Variants in CBL observed in about 807,000 individuals in gnomAD.
CBL encodes the protein E3 ubiquitin-protein ligase CBL.
In CBL, 45 loss-of-function variants were observed where a neutral mutation model predicts 96.9. The observed-to-expected ratio is 0.46, with a 90% confidence interval of 0.37 to 0.60. The LOEUF (loss-of-function observed/expected upper bound fraction) is 0.60. Ranked by LOEUF, CBL falls within the 20% of genes least tolerant of loss-of-function variation. The pLI, the probability that CBL is intolerant of heterozygous loss-of-function variation, is 0.00. For missense variants in CBL, 1,024 were observed against 1,143.5 expected, an observed-to-expected ratio of 0.90 and a Z score of 1.51; for synonymous variants, 420 against 426.8, an observed-to-expected ratio of 0.98 and a Z score of 0.20.
intron 1 of CBL, among the ~76,000 whole-genome samples, chr11:119,207,660 G>C (rs1487704196): frequency 6.6e-6 from 1 of 152,158 alleles, no homozygotes. Flanking sequence ...GCAGTCGGAC[G>C]CTTTGTCAGA....
chr11:119,275,220 C>CACG (rs1949879463), intron 5 of CBL, among the ~76,000 whole-genome samples: 1 of 150,778 alleles, frequency 6.6e-6, no homozygotes, highest in African/African-American at 2.4e-5. Context: ...GCGGGCAGAT[C>CACG]ACGAGGTCAG....
intron 2 of CBL, among the ~76,000 whole-genome samples, chr11:119,266,006 G>A (rs1164616216): frequency 1.2e-4 from 12 of 96,212 alleles, no homozygotes; most frequent in African/African-American, 4.9e-4. Flanking sequence ...GCGACAGAGC[G>A]AGACTCCATC....
intron 2 of CBL, among the ~76,000 whole-genome samples, chr11:119,239,175 T>A (rs1416934897): frequency 6.6e-6 from 1 of 152,112 alleles, no homozygotes; most frequent in Non-Finnish European, 1.5e-5. Flanking sequence ...TTCGTCGTGT[T>A]GCCCATGCCG....
Position 119,302,549 on chromosome 11 carries a change from A to G in CBL, c.*2768A>G, listed in dbSNP as rs1950108690. ...TGGCTAATAAAGTAAAAAAACCCACACTACTTTGTTCTCTTTTTCTCATAT... is the reference window on the plus strand; with the variant it reads ...TGGCTAATAAAGTAAAAAAACCCACGCTACTTTGTTCTCTTTTTCTCATAT... On this transcript the variant is annotated 3_prime_UTR_variant, in exon 16 of 16. Transcript: ENST00000264033. The G allele has an allele frequency of 4.3e-6, 1 of 232,312 alleles. No individual in the cohort carries two copies. Among genetic ancestry groups the G allele is most frequent in the South Asian group, 1.8e-4 (1 of 5,514 alleles). The allele number at this position is 232,312 out of a possible 1,614,324, so 14.4% of individuals were successfully genotyped here.
intron 2 of CBL, among the ~76,000 whole-genome samples, chr11:119,250,162 A>G (rs1004473332): frequency 3.3e-5 from 5 of 152,168 alleles, no homozygotes; most frequent in African/African-American, 9.6e-5. Context: ...GGACACAGCT[A>G]TGTTACATGG....
intron 2 of CBL, among the ~76,000 whole-genome samples, chr11:119,260,211 T>C (rs374204422): frequency 2.0e-5 from 3 of 151,778 alleles, no homozygotes; most frequent in East Asian, 3.9e-4. Context: ...GGATTGATTA[T>C]TGGCTTAGCT....
At chr11:119,257,354 T>C (rs1949719402) in intron 2 of CBL, among the ~76,000 whole-genome samples, 1 of 152,232 alleles carries the variant, frequency 6.6e-6, no homozygotes, top group Non-Finnish European at 1.5e-5. Context: ...ATTTCCATGA[T>C]GATTAGTGAC....
At chr11:119,243,667 C>T (rs188651244) in intron 2 of CBL, among the ~76,000 whole-genome samples, 145 of 151,784 alleles carry the variant, frequency 9.6e-4, no homozygotes, top group Non-Finnish European at 1.4e-3. Flanking sequence ...AAAATAACAA[C>T]GGTAAGTATT....
chr11:119,295,484 G>A (rs1950057159), intron 12 of CBL, among the ~76,000 whole-genome samples: 1 of 152,128 alleles, frequency 6.6e-6, no homozygotes, highest in Non-Finnish European at 1.5e-5. Context: ...CATTTTGGGA[G>A]GCTGGGGCGG....
At chr11:119,209,665 T>G (rs1949301444) in intron 1 of CBL, among the ~76,000 whole-genome samples, 1 of 152,166 alleles carries the variant, frequency 6.6e-6, no homozygotes, top group Non-Finnish European at 1.5e-5. Context: ...ACACATTTAG[T>G]TCTAAGTCAC....
chr11:119,272,138 T>C (rs868231400), intron 3 of CBL, among the ~76,000 whole-genome samples: 5 of 152,370 alleles, frequency 3.3e-5, no homozygotes, highest in Middle Eastern at 3.4e-3. Context: ...TGGTTTCTTT[T>C]TGAGACGGAG....
intron 3 of CBL, among the ~76,000 whole-genome samples, chr11:119,272,387 T>G (rs1366176760): frequency 1.3e-5 from 2 of 152,266 alleles, no homozygotes; most frequent in Non-Finnish European, 2.9e-5. Context: ...CCCAAAGTGC[T>G]GGGATTACAG....
chr11:119,265,878 C>T (rs904182475), intron 2 of CBL, among the ~76,000 whole-genome samples: 4 of 151,818 alleles, frequency 2.6e-5, no homozygotes, highest in African/African-American at 9.7e-5. Context: ...TAAAATTAAC[C>T]GGGCGTGGTG....
At chr11:119,276,574 C>T (rs1489775229) in intron 6 of CBL, among the ~76,000 whole-genome samples, 1 of 152,234 alleles carries the variant, frequency 6.6e-6, no homozygotes, top group East Asian at 1.9e-4. Context: ...CCTTGGGCTA[C>T]TGTAACCTAT....
chr11:119,259,374 A>T (rs1163578063), intron 2 of CBL, among the ~76,000 whole-genome samples: 1 of 151,744 alleles, frequency 6.6e-6, no homozygotes, highest in Non-Finnish European at 1.5e-5. Flanking sequence ...TTTTTCTCCC[A>T]TGTATTGTTT....
At chr11:119,264,388 T>TCTCTTCTCTTCTC (rs1949780004) in intron 2 of CBL, among the ~76,000 whole-genome samples, 27 of 133,848 alleles carry the variant, frequency 2.0e-4, no homozygotes, top group African/African-American at 7.6e-4. Flanking sequence ...TTTCTTTTCT[T>TCTCTTCTCTTCTC]TTCTCTTCTC....
chr11:119,239,863 A>G (rs1949572045), intron 2 of CBL, among the ~76,000 whole-genome samples: 1 of 149,848 alleles, frequency 6.7e-6, no homozygotes, highest in South Asian at 2.1e-4. Context: ...TCTTTTTTTG[A>G]TAGGTGAGTT....
In CBL at chr11:119,231,639, C is replaced by T. The variant is rs372070854; in HGVS notation, c.196-809C>T. The stretch of plus-strand genomic sequence containing the variant: ...AGGAGAATCGCTTGAACCCGGGAGG[C>T]GGAGGTTGCGGTGAGCCAAGATCAC... On this transcript the variant is annotated intron_variant, in intron 1 of 15. Coordinates refer to ENST00000264033, the MANE Select transcript of CBL (RefSeq NM_005188.4). 8.6e-5 allele frequency among the ~76,000 whole-genome samples: 13 copies of T among 151,798 alleles called. 1 individual carries two copies. The highest frequency in any genetic ancestry group is 3.1e-4 in the African/African-American group (13 of 41,390).
At chr11:119,255,360 A>T (rs534612509) in intron 2 of CBL, among the ~76,000 whole-genome samples, 2 of 152,296 alleles carry the variant, frequency 1.3e-5, no homozygotes, top group South Asian at 4.1e-4. Flanking sequence ...TCCAGGTGAG[A>T]TCATGATGGC....
Sources: gnomAD v4.1 joint callset for allele counts (sites outside exome capture counted in the v4.1 genomes callset) on GRCh38, gnomAD v4.1.1 for gene constraint, MANE v1.5 for transcripts, NCBI Gene and HGNC (gene_info 2026-07-23, HGNC 2026-07-21) for gene names.